The following SLC4A4 variants were observed in gnomAD, a reference collection of about 807,000 sequenced individuals.
SLC4A4 encodes solute carrier family 4 member 4, also known as electrogenic sodium bicarbonate cotransporter 1.
A neutral mutation model predicts 111.5 loss-of-function variants in SLC4A4; 27 were observed. That is an observed-to-expected ratio of 0.24 (90% confidence interval 0.18 to 0.33). The LOEUF (loss-of-function observed/expected upper bound fraction) is 0.33, where lower values mean the gene tolerates loss of function less well. Ranked by LOEUF, SLC4A4 falls within the 10% of genes least tolerant of loss-of-function variation. SLC4A4 has a pLI of 1.00. For synonymous variants in SLC4A4, 443 were observed against 463.4 expected (o/e 0.96, Z 0.57); for missense variants, 909 against 1,315.5 (o/e 0.69, Z 4.78).
intron 3 of SLC4A4, chr4:71,301,003 C>A: frequency 2.2e-6 from 1 of 455,280 alleles, no homozygotes. Context: ...AGTGGGGGCC[C>A]CCTACAGCCA....
intron 2 of SLC4A4, among the ~76,000 whole-genome samples, chr4:71,179,219 C>T (rs1745201307): frequency 6.6e-6 from 1 of 152,240 alleles, no homozygotes; most frequent in East Asian, 1.9e-4. Context: ...ATAATAAGAG[C>T]TATCTATGAC....
intron 6 of SLC4A4, among the ~76,000 whole-genome samples, chr4:71,387,122 C>G (rs1718808902): frequency 6.6e-6 from 1 of 152,202 alleles, no homozygotes; most frequent in Non-Finnish European, 1.5e-5. Flanking sequence ...TTTAGCCTGT[C>G]CCTTACTCCT....
chr4:71,399,030 A>G (rs767024029), intron 7 of SLC4A4, among the ~76,000 whole-genome samples: 3 of 152,172 alleles, frequency 2.0e-5, no homozygotes, highest in Non-Finnish European at 2.9e-5. Context: ...ATTATTCTCT[A>G]AATAATACAT....
At chr4:71,424,086 T>C (rs1329401434) in intron 7 of SLC4A4, among the ~76,000 whole-genome samples, 1 of 152,102 alleles carries the variant, frequency 6.6e-6, no homozygotes, top group East Asian at 1.9e-4. Context: ...TTTCGCAACC[T>C]ACTCTTCTGA....
intron 3 of SLC4A4, among the ~76,000 whole-genome samples, chr4:71,282,828 G>A (rs965905206): frequency 5.3e-5 from 8 of 150,076 alleles, no homozygotes; most frequent in African/African-American, 1.2e-4. Flanking sequence ...CCTCCTACCC[G>A]GGCCTCCCAA....
chr4:71,409,146 C>T (rs1425587787), intron 7 of SLC4A4, among the ~76,000 whole-genome samples: 1 of 152,136 alleles, frequency 6.6e-6, no homozygotes. Flanking sequence ...TCTTTATCAG[C>T]AGCATGAAAA....
chr4:71,280,758 T>C (rs1723451820), intron 3 of SLC4A4, among the ~76,000 whole-genome samples: 2 of 152,154 alleles, frequency 1.3e-5, no homozygotes, highest in Admixed American at 1.3e-4. Flanking sequence ...GTCCTGAAGA[T>C]TTTTTTCTCT....
At chr4:71,319,075 C>T (rs1726921035) in intron 3 of SLC4A4, among the ~76,000 whole-genome samples, 1 of 151,826 alleles carries the variant, frequency 6.6e-6, no homozygotes, top group Non-Finnish European at 1.5e-5. Flanking sequence ...GTTTTTAAGT[C>T]AGATTACTAC....
At chr4:71,417,563 C>G (rs1185824235) in intron 7 of SLC4A4, among the ~76,000 whole-genome samples, 1 of 152,158 alleles carries the variant, frequency 6.6e-6, no homozygotes, top group Admixed American at 6.5e-5. Flanking sequence ...ACTTAGCTAG[C>G]ACCTAGAACC....
chr4:71,403,962 C>T lies in SLC4A4; in HGVS notation c.807+6309C>T, dbSNP rs115924486. Among the ~76,000 whole-genome samples the T allele has an allele frequency of 6.7e-3, 1,013 of 152,226 alleles. 4 individuals carry two copies. The highest frequency in any genetic ancestry group is 0.011 in the Non-Finnish European group (764 of 67,996). On this transcript the variant is annotated intron_variant, in intron 7 of 25. Coordinates refer to ENST00000264485, the MANE Select transcript of SLC4A4 (RefSeq NM_001098484.3). ...CATTTCTTAATGTGTTAGCCATAGCCATTAAGACCTTATTACTATCAGCAA... is the reference window on the plus strand; with the variant it reads ...CATTTCTTAATGTGTTAGCCATAGCTATTAAGACCTTATTACTATCAGCAA...
chr4:71,136,057 C>T (rs1743834627), intron 2 of SLC4A4, among the ~76,000 whole-genome samples: 1 of 152,226 alleles, frequency 6.6e-6, no homozygotes, highest in Admixed American at 6.5e-5. Flanking sequence ...AGAGCTTAAA[C>T]ATTCTTTTCC....
chr4:71,085,665 C>A lies in SLC4A4; in HGVS notation c.-64-7065C>A, dbSNP rs190727942. 3.9e-3 allele frequency among the ~76,000 whole-genome samples: 594 copies of A among 152,134 alleles called. 10 individuals carry two copies. Among genetic ancestry groups the A allele is most frequent in the African/African-American group, 0.014 (567 of 41,426 alleles). Reference sequence around the variant, plus strand: ...CAGCACCATTTATTAAATAGGGAATCCTTTCCCCATTGCTTGTTTTTGTCA... The same window carrying A: ...CAGCACCATTTATTAAATAGGGAATACTTTCCCCATTGCTTGTTTTTGTCA... On this transcript the variant is annotated intron_variant, in intron 1 of 26. Coordinates refer to the SLC4A4 transcript ENST00000649996.
At chr4:71,077,472 A>G in intron 1 of SLC4A4, among the ~76,000 whole-genome samples, 1 of 152,080 alleles carries the variant, frequency 6.6e-6, no homozygotes, top group East Asian at 1.9e-4. Context: ...CTGAGTATGT[A>G]CTTTTAATAT....
chr4:71,532,799 T>A (rs772357632), intron 17 of SLC4A4, among the ~76,000 whole-genome samples: 5 of 152,170 alleles, frequency 3.3e-5, no homozygotes, highest in Non-Finnish European at 7.3e-5. Flanking sequence ...GAACTAGTAA[T>A]GTCAAGATGT....
intron 16 of SLC4A4, among the ~76,000 whole-genome samples, chr4:71,528,623 G>T (rs1733619533): frequency 6.6e-6 from 1 of 151,868 alleles, no homozygotes; most frequent in South Asian, 2.1e-4. Context: ...TTTATTCTAA[G>T]GAAACAGTCT....
chr4:71,553,272 G>A (rs1469916223), intron 20 of SLC4A4, among the ~76,000 whole-genome samples: 1 of 151,812 alleles, frequency 6.6e-6, no homozygotes, highest in African/African-American at 2.4e-5. Context: ...CTATGTTACT[G>A]ATACCTTCTG....
chr4:71,449,517 A>G (rs569607092), intron 9 of SLC4A4, among the ~76,000 whole-genome samples: 2 of 152,010 alleles, frequency 1.3e-5, no homozygotes, highest in African/African-American at 4.8e-5. Context: ...CAACCCCACA[A>G]CCCCCAGACT....
At chr4:71,543,322 C>A (rs1199523538) in intron 18 of SLC4A4, among the ~76,000 whole-genome samples, 1 of 151,994 alleles carries the variant, frequency 6.6e-6, no homozygotes, top group African/African-American at 2.4e-5. Flanking sequence ...AGAGGCAGAC[C>A]AGGTAGGGCC....
chr4:71,337,129 T>C (rs1728493179), intron 3 of SLC4A4, among the ~76,000 whole-genome samples: 1 of 152,168 alleles, frequency 6.6e-6, no homozygotes, highest in Non-Finnish European at 1.5e-5. Flanking sequence ...GTTAGTTACG[T>C]AGTGATTTAT....
Sources: allele counts gnomAD v4.1 joint callset (sites outside exome capture counted in the v4.1 genomes callset), GRCh38; gene constraint gnomAD v4.1.1; transcripts MANE v1.5; gene names NCBI Gene and HGNC (gene_info 2026-07-23, HGNC 2026-07-21).